GABBR2: variants seen among roughly 807,000 people sequenced by gnomAD.
GABBR2 encodes the protein G-protein coupled receptor 51.
GABBR2 carries 23 observed loss-of-function variants against 105.6 expected under a neutral mutation model. The ratio of observed to expected loss-of-function variants is 0.22; its 90% CI spans 0.16 to 0.31. GABBR2 has a LOEUF of 0.31. Among genes scored for constraint, GABBR2 ranks in the 10% least tolerant of loss-of-function variants. The probability of loss-of-function intolerance (pLI) is 1.00; values close to 1 mark genes in which losing one functional copy is unlikely to be tolerated. For synonymous variants in GABBR2, 478 were observed against 499.7 expected (o/e 0.96, Z 0.58); for missense variants, 734 against 1,245.5 (o/e 0.59, Z 6.18).
At chr9:98,403,894 C>T (rs758026854) in intron 8 of GABBR2, among the ~76,000 whole-genome samples, 1 of 151,856 alleles carries the variant, frequency 6.6e-6, no homozygotes, top group Admixed American at 6.6e-5. Flanking sequence ...ACAATCAAGG[C>T]TCAGAGAGGC....
Position 98,517,848 on chromosome 9 carries a change from C to T in GABBR2, c.631-21334G>A, listed in dbSNP as rs568713199. On this transcript the variant is annotated intron_variant, in intron 3 of 18. Coordinates refer to ENST00000259455, the MANE Select transcript of GABBR2 (RefSeq NM_005458.8). ...TGAGAACCCAGTGGGAGTCAGAGGG[C>T]CAATGGGAGCCCAGCAGGAGTCAGA... Among the ~76,000 whole-genome samples, 24 of 152,028 alleles carry T rather than the reference C, an allele frequency of 1.6e-4. 1 individual carries two copies. Among genetic ancestry groups the T allele is most frequent in the East Asian group, 7.8e-4 (4 of 5,154 alleles).
chr9:98,290,051 A>C lies in GABBR2; in HGVS notation c.*533T>G, dbSNP rs1360586453. The C allele has an allele frequency of 6.6e-6, 1 of 152,440 alleles. No individual in the cohort carries two copies. Among genetic ancestry groups the C allele is most frequent in the South Asian group, 2.1e-4 (1 of 4,834 alleles). The allele number at this position is 152,440 out of a possible 1,614,324, so 9.4% of individuals were successfully genotyped here. ...TGCGCTCCTGCAGACTCCCTGTTCC[A>C]GGAAGGCTGGGGTCAGCTGGCCTGG... On this transcript the variant is annotated 3_prime_UTR_variant, in exon 19 of 19. Coordinates refer to ENST00000259455, the MANE Select transcript of GABBR2 (RefSeq NM_005458.8).
chr9:98,609,249 C>A (rs981849366), intron 1 of GABBR2, among the ~76,000 whole-genome samples: 2 of 152,158 alleles, frequency 1.3e-5, no homozygotes, highest in Non-Finnish European at 2.9e-5. Flanking sequence ...CCCAGACAGC[C>A]TGAATTCTGC....
At chr9:98,480,240 T>C (rs1826887865) in intron 5 of GABBR2, among the ~76,000 whole-genome samples, 1 of 152,136 alleles carries the variant, frequency 6.6e-6, no homozygotes, top group African/African-American at 2.4e-5. Context: ...GACATCAAAA[T>C]GGAAACTGAC....
chr9:98,641,157 G>A (rs1201698273), intron 1 of GABBR2, among the ~76,000 whole-genome samples: 2 of 145,396 alleles, frequency 1.4e-5, no homozygotes, highest in East Asian at 2.1e-4. Flanking sequence ...TTTTTGAGAC[G>A]AAGTCTTGCT....
At position 98,390,423 on chromosome 9, in the gene GABBR2, G is replaced by A. The variant is rs528862859; in HGVS notation, c.1379-1419C>T. Among the ~76,000 whole-genome samples the A allele has an allele frequency of 4.8e-5, 7 of 145,884 alleles. No homozygotes were observed. In the East Asian group the frequency reaches 9.8e-4, roughly 20 times the overall value. On this transcript the variant is annotated intron_variant, in intron 9 of 18. Transcript: ENST00000259455. ...AAAAATAGAGAGCGAGAAACATTCA[G>A]TGGATTAAAAGAGTTTGAACCATGT...
At chr9:98,303,494 A>C in intron 15 of GABBR2, 71 bp from the exon 16 acceptor site, 6 of 1,346,298 alleles carry the variant, frequency 4.5e-6, no homozygotes, top group Admixed American at 1.8e-5. Context: ...CACATGGCAG[A>C]CTCTCCCAGC....
chr9:98,504,745 C>A (rs1459773510), intron 3 of GABBR2, among the ~76,000 whole-genome samples: 2 of 152,174 alleles, frequency 1.3e-5, no homozygotes, highest in Admixed American at 1.3e-4. Flanking sequence ...ACAGTTCATT[C>A]AAGGAAAATC....
At chr9:98,406,911 A>G (rs769030462) in intron 7 of GABBR2, among the ~76,000 whole-genome samples, 2 of 152,198 alleles carry the variant, frequency 1.3e-5, no homozygotes, top group Non-Finnish European at 2.9e-5. Context: ...ATACGAGGAA[A>G]TTGACACACA....
At chr9:98,309,551 G>C (rs1830604790) in intron 14 of GABBR2, among the ~76,000 whole-genome samples, 1 of 152,228 alleles carries the variant, frequency 6.6e-6, no homozygotes, top group Non-Finnish European at 1.5e-5. Flanking sequence ...ATCTTTACAT[G>C]GAGATGGAGT....
chr9:98,343,165 C>G (rs2131409804), intron 13 of GABBR2, among the ~76,000 whole-genome samples: 1 of 152,330 alleles, frequency 6.6e-6, no homozygotes, highest in African/African-American at 2.4e-5. Context: ...TGAAATATCC[C>G]TTTGTCCCAA....
intron 6 of GABBR2, 58 bp downstream of exon 6, chr9:98,473,088 A>C (rs1399633115): frequency 1.5e-6 from 2 of 1,301,268 alleles, no homozygotes; most frequent in African/African-American, 2.9e-5. Flanking sequence ...CAATGTCATC[A>C]GACAAGATGA....
intron 1 of GABBR2, among the ~76,000 whole-genome samples, chr9:98,578,879 C>G (rs903707008): frequency 3.9e-5 from 6 of 152,156 alleles, no homozygotes; most frequent in Admixed American, 1.3e-4. Context: ...ATTATATGAT[C>G]CCACTCATAT....
At chr9:98,458,782 T>G (rs769090936) in intron 6 of GABBR2, among the ~76,000 whole-genome samples, 1 of 152,210 alleles carries the variant, frequency 6.6e-6, no homozygotes, top group African/African-American at 2.4e-5. Flanking sequence ...GTGAGTTAAC[T>G]TAGGAATCTG....
chr9:98,291,248 C>T (rs550787087), intron 18 of GABBR2, among the ~76,000 whole-genome samples: 2 of 152,306 alleles, frequency 1.3e-5, no homozygotes, highest in East Asian at 3.9e-4. Context: ...TGTTAAATAT[C>T]TCATGCAATT....
intron 1 of GABBR2, among the ~76,000 whole-genome samples, chr9:98,584,144 C>T (rs1829038644): frequency 6.6e-6 from 1 of 152,150 alleles, no homozygotes; most frequent in Non-Finnish European, 1.5e-5. Flanking sequence ...ACCACACCTC[C>T]CCCACCGGAA....
chr9:98,653,096 A>G (rs1054749619), intron 1 of GABBR2, among the ~76,000 whole-genome samples: 1 of 152,222 alleles, frequency 6.6e-6, no homozygotes, highest in Non-Finnish European at 1.5e-5. Context: ...TCCTGGGCTC[A>G]AGCAATCCCA....
intron 5 of GABBR2, among the ~76,000 whole-genome samples, chr9:98,476,599 C>T (rs1030026677): frequency 1.3e-5 from 2 of 152,082 alleles, no homozygotes; most frequent in Non-Finnish European, 2.9e-5. Context: ...TTTAGCTGCC[C>T]CTTCTCATTC....
intron 7 of GABBR2, among the ~76,000 whole-genome samples, chr9:98,417,961 T>G: frequency 6.7e-6 from 1 of 149,280 alleles, no homozygotes. Flanking sequence ...TTTGGAGGAG[T>G]AGAAAGGAGG....
Sources: gnomAD v4.1 joint callset for allele counts (sites outside exome capture counted in the v4.1 genomes callset) on GRCh38, gnomAD v4.1.1 for gene constraint, MANE v1.5 for transcripts, NCBI Gene and HGNC (gene_info 2026-07-23, HGNC 2026-07-21) for gene names.